MLLT3: variants seen among roughly 807,000 people sequenced by gnomAD.
MLLT3 encodes MLLT3 super elongation complex subunit.
MLLT3 carries 4 observed loss-of-function variants against 53.2 expected under a neutral mutation model. The observed-to-expected ratio is 0.08, with a 90% CI of 0.04 to 0.17. The LOEUF is 0.17. Among genes scored for constraint, MLLT3 ranks in the 10% least tolerant of loss-of-function variants. The pLI is 1.00. For synonymous variants in MLLT3, 283 were observed against 230.6 expected (o/e 1.23, Z -2.06); for missense variants, 569 against 684.0 (o/e 0.83, Z 1.87).
At chr9:20,511,749 T>C (rs1382334502) in intron 2 of MLLT3, among the ~76,000 whole-genome samples, 4 of 151,988 alleles carry the variant, frequency 2.6e-5, no homozygotes, top group African/African-American at 4.8e-5. Context: ...CATACATACA[T>C]ACATATGCGC....
chr9:20,420,288 T>A (rs1822975328), intron 4 of MLLT3, among the ~76,000 whole-genome samples: 1 of 152,130 alleles, frequency 6.6e-6, no homozygotes, highest in South Asian at 2.1e-4. Flanking sequence ...AAGAACTGAA[T>A]TCTCCCTCTG....
At chr9:20,595,130 G>A (rs1005461264) in intron 2 of MLLT3, among the ~76,000 whole-genome samples, 3 of 152,102 alleles carry the variant, frequency 2.0e-5, no homozygotes, top group East Asian at 1.9e-4. Flanking sequence ...GCCAATTCGG[G>A]AGGACTATTT....
chr9:20,492,082 C>T (rs1037210603), intron 2 of MLLT3, among the ~76,000 whole-genome samples: 2 of 151,962 alleles, frequency 1.3e-5, no homozygotes, highest in Non-Finnish European at 2.9e-5. Context: ...GATTTCTAGC[C>T]TAATAAATTT....
At chr9:20,376,429 CTGTTA>C (rs1450137373) in intron 5 of MLLT3, among the ~76,000 whole-genome samples, 1 of 152,184 alleles carries the variant, frequency 6.6e-6, no homozygotes, top group Admixed American at 6.5e-5. Context: ...GTCCTTATTT[CTGTTA>C]TATTTTCAAC....
chr9:20,509,467 ACACC>A (rs1173305281), intron 2 of MLLT3, among the ~76,000 whole-genome samples: 1 of 152,200 alleles, frequency 6.6e-6, no homozygotes, highest in Admixed American at 6.5e-5. Flanking sequence ...AGTCATTGAA[ACACC>A]CAGGCATTGA....
intron 2 of MLLT3, among the ~76,000 whole-genome samples, chr9:20,585,172 C>T (rs930445116): frequency 1.1e-4 from 17 of 152,118 alleles, no homozygotes; most frequent in Admixed American, 9.8e-4. Context: ...ATTCTGTTTC[C>T]GGTGAGGACT....
At chr9:20,403,315 A>C (rs775720699) in intron 5 of MLLT3, among the ~76,000 whole-genome samples, 2 of 152,206 alleles carry the variant, frequency 1.3e-5, no homozygotes, top group African/African-American at 4.8e-5. Context: ...TAAACCTTCA[A>C]AAAGAGTACC....
intron 2 of MLLT3, chr9:20,533,478 C>A: frequency 5.9e-6 from 1 of 168,642 alleles, no homozygotes; most frequent in Non-Finnish European, 1.3e-5. Flanking sequence ...TTGGTACAGC[C>A]ATTATAGAAA....
intron 2 of MLLT3, among the ~76,000 whole-genome samples, chr9:20,553,546 C>T (rs1818980326): frequency 6.6e-6 from 1 of 152,188 alleles, no homozygotes; most frequent in African/African-American, 2.4e-5. Flanking sequence ...CTAGAGCCAG[C>T]ATGTTTGGAA....
intron 5 of MLLT3, among the ~76,000 whole-genome samples, chr9:20,389,834 G>A (rs994087924): frequency 1.3e-5 from 2 of 152,182 alleles, no homozygotes; most frequent in Non-Finnish European, 2.9e-5. Flanking sequence ...CTTTAAATGG[G>A]TGAACTGTAT....
chr9:20,445,343 T>A (rs1423732525), intron 4 of MLLT3, among the ~76,000 whole-genome samples: 1 of 152,122 alleles, frequency 6.6e-6, no homozygotes, highest in Non-Finnish European at 1.5e-5. Context: ...GTATATTTCT[T>A]CCAAGAGGGA....
chr9:20,621,664 C>T lies in MLLT3; in HGVS notation c.12+581G>A. 1.8e-6 allele frequency: 2 copies of T among 1,120,898 alleles called. No homozygotes were observed. The highest frequency in any genetic ancestry group is 3.0e-4 in the Middle Eastern group (1 of 3,350). 69.4% of individuals were successfully genotyped at this position (1,120,898 alleles called of 1,614,324 possible). On this transcript the variant is annotated intron_variant, in intron 1 of 10. Coordinates refer to ENST00000380338, the MANE Select transcript of MLLT3 (RefSeq NM_004529.4). The surrounding 1 kb of genome is among the most constrained non-coding windows in gnomAD (Gnocchi z 7.0). ...GGGCGGCGGGCGGACAGCCGCCGAG[C>T]CTCGGCTCGCGCTCAGCACCTCCCG...
rs1183539393 is a variant in MLLT3 at position 20,365,702 on chromosome 9, A to C, written c.1168T>G (p.Ser390Ala). 1 of 1,614,122 alleles carries C rather than the reference A, an allele frequency of 6.2e-7. No individual in the cohort carries two copies. Among genetic ancestry groups the C allele is most frequent in the Non-Finnish European group, 8.5e-7 (1 of 1,179,992 alleles). ...SPASSSSSSS[S>A]SFTPSQTRQQ... Reference sequence around the variant, plus strand: ...CTGGTCTGGGATGGTGTGAAGCTGGAGCTGGAGCTGGAGCTGGAGCTGGCA... The same window carrying C: ...CTGGTCTGGGATGGTGTGAAGCTGGCGCTGGAGCTGGAGCTGGAGCTGGCA... The change falls in exon 6 of 11, where the codon TCC becomes GCC. Residue 390 changes from serine to alanine, a missense_variant. Transcript: ENST00000380338.
At chr9:20,606,640 T>G (rs939695549) in intron 2 of MLLT3, among the ~76,000 whole-genome samples, 9 of 152,118 alleles carry the variant, frequency 5.9e-5, no homozygotes, top group Admixed American at 2.0e-4. Context: ...CTCAGTGTCT[T>G]TCAATGCCTT....
rs187261593 is a variant in MLLT3 at position 20,572,206 on chromosome 9, G to T, written c.193+48448C>A. Among the ~76,000 whole-genome samples, 89 of 152,296 alleles carry T rather than the reference G, an allele frequency of 5.8e-4. 2 individuals carry two copies. The East Asian group carries it at 7.3e-3, about 13-fold the overall frequency. On this transcript the variant is annotated intron_variant, in intron 2 of 10. Coordinates refer to ENST00000380338, the MANE Select transcript of MLLT3 (RefSeq NM_004529.4). ...TGGAATGGTGGTTACCAGGGGCAGG[G>T]ACAGAGGGGTGGAGGAATGGGGAGA...
At chr9:20,426,126 C>T (rs946336422) in intron 4 of MLLT3, among the ~76,000 whole-genome samples, 2 of 152,142 alleles carry the variant, frequency 1.3e-5, no homozygotes, top group Admixed American at 1.3e-4. Flanking sequence ...CCCTGACTTG[C>T]TATGGCTTAA....
intron 7 of MLLT3, chr9:20,363,170 T>C (rs2118641074): frequency 3.9e-6 from 1 of 253,648 alleles, no homozygotes; most frequent in African/African-American, 2.2e-5. Flanking sequence ...ACACAAACTC[T>C]TCAAATGAAA....
At chr9:20,462,362 G>A (rs1306914575) in intron 2 of MLLT3, among the ~76,000 whole-genome samples, 6 of 152,062 alleles carry the variant, frequency 3.9e-5, no homozygotes, top group African/African-American at 1.5e-4. Flanking sequence ...CAAATACATT[G>A]AGTTGTATGT....
intron 2 of MLLT3, among the ~76,000 whole-genome samples, chr9:20,486,627 TTACACTCC>T (rs1824821861): frequency 6.6e-6 from 1 of 152,154 alleles, no homozygotes; most frequent in Admixed American, 6.5e-5. Flanking sequence ...TAAGGTAAGG[TTACACTCC>T]TACAATGCAA....
Sources: allele counts gnomAD v4.1 joint callset (sites outside exome capture counted in the v4.1 genomes callset), GRCh38; gene constraint gnomAD v4.1.1; non-coding constraint Gnocchi (gnomAD v3.1); transcripts MANE v1.5; gene names NCBI Gene and HGNC (gene_info 2026-07-23, HGNC 2026-07-21).